The following NCAM2 variants were observed in gnomAD, a reference collection of about 807,000 sequenced individuals.
NCAM2 encodes N-CAM-2.
A neutral mutation model predicts 98.1 loss-of-function variants in NCAM2; 30 were observed. That is an observed-to-expected ratio of 0.31 (90% confidence interval 0.23 to 0.41). The LOEUF (loss-of-function observed/expected upper bound fraction) is 0.41, where lower values mean the gene tolerates loss of function less well. Ranked by LOEUF, NCAM2 falls within the 10% of genes least tolerant of loss-of-function variation. The pLI, the probability that NCAM2 is intolerant of heterozygous loss-of-function variation, is 1.00. For synonymous variants in NCAM2, 368 were observed against 342.4 expected (o/e 1.07, Z -0.83); for missense variants, 867 against 1,005.8 (o/e 0.86, Z 1.87).
chr21:21,059,996 C>G (rs6518062), intron 1 of NCAM2, among the ~76,000 whole-genome samples: 143,033 of 152,138 alleles, frequency 0.94, 67,865 homozygotes, highest in East Asian at 1. Context: ...TGTGGATTTA[C>G]TATCATTATA....
At chr21:21,071,591 C>A (rs8130758) in intron 1 of NCAM2, among the ~76,000 whole-genome samples, 2 of 151,952 alleles carry the variant, frequency 1.3e-5, no homozygotes, top group Non-Finnish European at 2.9e-5. Context: ...ATAGCATTGA[C>A]GTATAGAGTT....
chr21:21,385,796 T>G (rs2076259116), intron 9 of NCAM2: 2 of 294,504 alleles, frequency 6.8e-6, no homozygotes. Flanking sequence ...TCATTAAGTT[T>G]TGTGACTAGG....
chr21:21,486,070 G>A (rs907652300), intron 15 of NCAM2, among the ~76,000 whole-genome samples: 5 of 151,976 alleles, frequency 3.3e-5, no homozygotes, highest in Non-Finnish European at 7.4e-5. Flanking sequence ...TTGGGAGGCC[G>A]AGGCAGGTGG....
intron 16 of NCAM2, among the ~76,000 whole-genome samples, chr21:21,534,014 A>G (rs2826881): frequency 0.17 from 25,355 of 151,952 alleles, 2,177 homozygotes; most frequent in Admixed American, 0.23. Context: ...ATACAAATGG[A>G]TAGACATATT....
chr21:21,518,978 TG>T (rs776937227), intron 16 of NCAM2, among the ~76,000 whole-genome samples: 3 of 152,056 alleles, frequency 2.0e-5, no homozygotes, highest in Non-Finnish European at 4.4e-5. Context: ...AGCTTAAGGG[TG>T]GGTAATAAGG....
chr21:21,468,851 ATAAAC>A, intron 14 of NCAM2, 68 bp downstream of exon 14: 1 of 1,413,020 alleles, frequency 7.1e-7, no homozygotes, highest in South Asian at 1.3e-5. Context: ...CACTGAATTT[ATAAAC>A]ATATCAGGAG....
At chr21:21,487,318 T>C (rs912908527) in intron 15 of NCAM2, among the ~76,000 whole-genome samples, 1 of 152,134 alleles carries the variant, frequency 6.6e-6, no homozygotes, top group African/African-American at 2.4e-5. Context: ...CCCATCTAAG[T>C]AAATGTGATT....
chr21:21,089,720 A>G (rs150330820), intron 1 of NCAM2, among the ~76,000 whole-genome samples: 408 of 152,240 alleles, frequency 2.7e-3, no homozygotes, highest in African/African-American at 9.4e-3. Flanking sequence ...GAGATCTACC[A>G]TGACTCTTTA....
chr21:21,531,910 G>A lies in NCAM2; in HGVS notation c.2283-2627G>A, dbSNP rs1387891305. Among the ~76,000 whole-genome samples, 5 of 150,900 alleles carry A rather than the reference G, an allele frequency of 3.3e-5. No individual in the cohort carries two copies. The East Asian group carries it at 5.8e-4, about 18-fold the overall frequency. On this transcript the variant is annotated intron_variant, in intron 16 of 17. Transcript: ENST00000400546. ...TGAGAGGCTGAGGCAGGAGAATGGC[G>A]TGAACCCAGGAGCGGAGCTTGGCAG...
chr21:21,263,841 C>T (rs191726249), intron 1 of NCAM2, among the ~76,000 whole-genome samples: 3 of 152,066 alleles, frequency 2.0e-5, no homozygotes, highest in Admixed American at 1.3e-4. Context: ...ATTTGAACCA[C>T]GCACAAAAAG....
At chr21:21,062,419 T>C (rs1029413411) in intron 1 of NCAM2, among the ~76,000 whole-genome samples, 1 of 152,192 alleles carries the variant, frequency 6.6e-6, no homozygotes, top group Non-Finnish European at 1.5e-5. Flanking sequence ...ATTTGACTGG[T>C]AAATCATAAC....
intron 7 of NCAM2, 36 bp from the exon 8 acceptor site, chr21:21,338,353 C>T (rs1568950863): frequency 1.3e-6 from 2 of 1,582,416 alleles, no homozygotes. Flanking sequence ...ATATTTTCCT[C>T]CAATACCGGT....
chr21:21,130,827 A>C lies in NCAM2; in HGVS notation c.55+132209A>C, dbSNP rs2826671. Among the ~76,000 whole-genome samples the C allele has an allele frequency of 2.0e-5, 3 of 152,006 alleles. No individual in the cohort carries two copies. In the South Asian group the frequency reaches 6.2e-4, roughly 32 times the overall value. On this transcript the variant is annotated intron_variant, in intron 1 of 17. Transcript: ENST00000400546. ...GGGTGAATATTTAAAATGGCAAAAC[A>C]TATGTCCAAAAATATAAGCTGGTAA... is the stretch of plus-strand genomic sequence containing the variant.
chr21:21,406,217 G>A (rs2076735661), intron 9 of NCAM2, among the ~76,000 whole-genome samples: 1 of 152,156 alleles, frequency 6.6e-6, no homozygotes, highest in African/African-American at 2.4e-5. Flanking sequence ...ACAAGGACAA[G>A]TTGGAATGTA....
At chr21:21,372,100 A>C (rs547288650) in intron 8 of NCAM2, among the ~76,000 whole-genome samples, 1 of 151,838 alleles carries the variant, frequency 6.6e-6, no homozygotes, top group Non-Finnish European at 1.5e-5. Context: ...GGCCACAAAA[A>C]ATAACCTATA....
chr21:21,099,868 C>T (rs2066204331), intron 1 of NCAM2, among the ~76,000 whole-genome samples: 1 of 151,732 alleles, frequency 6.6e-6, no homozygotes, highest in Non-Finnish European at 1.5e-5. Context: ...ACACTACTGA[C>T]CGTACCTTAC....
chr21:21,511,467 T>C (rs867673934), intron 16 of NCAM2, among the ~76,000 whole-genome samples: 31 of 152,154 alleles, frequency 2.0e-4, no homozygotes, highest in Middle Eastern at 3.4e-3. Context: ...TTTTCCATTG[T>C]GTATTTAGCA....
intron 12 of NCAM2, among the ~76,000 whole-genome samples, chr21:21,451,016 T>G (rs1464043361): frequency 2.0e-5 from 3 of 152,066 alleles, no homozygotes; most frequent in Non-Finnish European, 4.4e-5. Flanking sequence ...TTCATGAGAT[T>G]CATTTTTAGT....
At chr21:21,235,704 A>G (rs2070792024) in intron 1 of NCAM2, among the ~76,000 whole-genome samples, 1 of 152,002 alleles carries the variant, frequency 6.6e-6, no homozygotes, top group South Asian at 2.1e-4. Flanking sequence ...ATGAAACTTT[A>G]TCTAGCACCT....
Sources: allele counts gnomAD v4.1 joint callset (sites outside exome capture counted in the v4.1 genomes callset), GRCh38; gene constraint gnomAD v4.1.1; transcripts MANE v1.5; gene names NCBI Gene and HGNC (gene_info 2026-07-23, HGNC 2026-07-21).